Variants in LRRTM3 observed in about 807,000 individuals in gnomAD.
LRRTM3 encodes the protein leucine-rich repeat transmembrane neuronal protein 3.
A neutral mutation model predicts 44.7 loss-of-function variants in LRRTM3; 24 were observed. The ratio of observed to expected loss-of-function variants is 0.54; its 90% confidence interval spans 0.39 to 0.76. The LOEUF (loss-of-function observed/expected upper bound fraction) is 0.76. Among genes scored for constraint, LRRTM3 ranks in the 30% least tolerant of loss-of-function variants. The pLI is 0.00. For synonymous variants in LRRTM3, 277 were observed against 278.7 expected (o/e 0.99, Z 0.06); for missense variants, 587 against 702.2 (o/e 0.84, Z 1.85).
intron 2 of LRRTM3, among the ~76,000 whole-genome samples, chr10:67,008,743 G>T (rs1036205154): frequency 1.3e-5 from 2 of 152,104 alleles, no homozygotes; most frequent in Non-Finnish European, 2.9e-5. Context: ...GCTAGCTCAG[G>T]CATATTCACA....
chr10:67,005,772 G>A (rs1450962712), intron 2 of LRRTM3, among the ~76,000 whole-genome samples: 30 of 129,086 alleles, frequency 2.3e-4, no homozygotes, highest in Admixed American at 2.2e-3. Context: ...TGCAACCTCC[G>A]CCTCCCAGGT....
chr10:66,989,067 G>T (rs1474495118), intron 2 of LRRTM3, among the ~76,000 whole-genome samples: 1 of 151,842 alleles, frequency 6.6e-6, no homozygotes, highest in Non-Finnish European at 1.5e-5. Flanking sequence ...AAGAAAAAGT[G>T]TTTTTTTATT....
At chr10:66,974,323 T>A (rs1849900170) in intron 2 of LRRTM3, among the ~76,000 whole-genome samples, 1 of 152,208 alleles carries the variant, frequency 6.6e-6, no homozygotes, top group Non-Finnish European at 1.5e-5. Flanking sequence ...AAAGTGCTTC[T>A]TAGCAGTTCA....
rs1205642928 is a variant in LRRTM3 at position 67,098,629 on chromosome 10, T to C, written c.*833T>C. On this transcript the variant is annotated 3_prime_UTR_variant, in exon 3 of 3. Coordinates refer to ENST00000361320, the MANE Select transcript of LRRTM3 (RefSeq NM_178011.5). ...TCTTTTGAGTAACCATTGTTAAGGG[T>C]TGGGGGAAAGCATGGACAAAACATC... 2.0e-5 allele frequency: 3 copies of C among 152,172 alleles called. No homozygotes were observed. The highest frequency in any genetic ancestry group is 4.4e-5 in the Non-Finnish European group (3 of 67,860). 9.4% of individuals were successfully genotyped at this position (152,172 alleles called of 1,614,324 possible).
chr10:67,061,237 C>A (rs754920617), intron 2 of LRRTM3, among the ~76,000 whole-genome samples: 7 of 152,134 alleles, frequency 4.6e-5, no homozygotes, highest in Non-Finnish European at 7.3e-5. Context: ...TGAATGAAAG[C>A]ATTTTACCTT....
intron 2 of LRRTM3, among the ~76,000 whole-genome samples, chr10:67,043,396 A>G (rs1229777629): frequency 1.3e-5 from 2 of 152,152 alleles, no homozygotes; most frequent in African/African-American, 2.4e-5. Context: ...AAAACATGCT[A>G]CTGAAACCCT....
intron 2 of LRRTM3, among the ~76,000 whole-genome samples, chr10:66,982,370 C>A (rs1041347987): frequency 4.8e-4 from 73 of 152,264 alleles, no homozygotes; most frequent in African/African-American, 1.7e-3. Flanking sequence ...AGTGGGGTGA[C>A]TCAGGCAAGT....
chr10:67,038,488 G>T (rs1854202256), intron 2 of LRRTM3, among the ~76,000 whole-genome samples: 1 of 151,966 alleles, frequency 6.6e-6, no homozygotes. Flanking sequence ...CTCAGGAAAA[G>T]GACAACTCAT....
intron 2 of LRRTM3, among the ~76,000 whole-genome samples, chr10:66,978,539 A>ATAAAATAAAAATAAAAAAAAT (rs1850202876): frequency 9.5e-6 from 1 of 104,882 alleles, no homozygotes; most frequent in South Asian, 3.3e-4. Flanking sequence ...AAAAAAAAAA[A>ATAAAATAAAAATAAAAAAAAT]AAAAAAAAAA....
At chr10:66,973,361 T>C (rs188543817) in intron 2 of LRRTM3, among the ~76,000 whole-genome samples, 16 of 152,304 alleles carry the variant, frequency 1.1e-4, no homozygotes, top group Admixed American at 4.6e-4. Context: ...CTAACATCAA[T>C]ATTACAATGA....
intron 2 of LRRTM3, chr10:67,012,304 T>C (rs1025953123): frequency 1.3e-5 from 2 of 152,160 alleles, no homozygotes; most frequent in Non-Finnish European, 2.9e-5. Flanking sequence ...CCAGAGAAAA[T>C]AGAAATGCCA....
chr10:67,026,835 C>T (rs1292769913), intron 2 of LRRTM3, among the ~76,000 whole-genome samples: 1 of 152,114 alleles, frequency 6.6e-6, no homozygotes, highest in Non-Finnish European at 1.5e-5. Flanking sequence ...TAAAAGAGTT[C>T]AGAAACCTAA....
In LRRTM3 at chr10:66,928,086, G is replaced by A; in HGVS notation, c.1170G>A (p.Glu390=). The part of the protein sequence containing the change: ...FKPKLPRPKH[E]SKPPLPPTVG... ...CCAAGCTCCCCAGGCCGAAGCATGA[G>A]AGCAAACCCCCTTTGCCCCCGACGG... Residue 390 remains glutamate (E), a synonymous_variant, in exon 2 of 3, where the codon GAG becomes GAA. Coordinates refer to ENST00000361320, the MANE Select transcript of LRRTM3 (RefSeq NM_178011.5). 1 of 1,614,076 alleles carries A rather than the reference G, an allele frequency of 6.2e-7. No homozygotes were observed. The highest frequency in any genetic ancestry group is 8.5e-7 in the Non-Finnish European group (1 of 1,180,030).
intron 2 of LRRTM3, among the ~76,000 whole-genome samples, chr10:66,996,669 A>AAAAAAAAAAAAAAC (rs1851369814): frequency 6.6e-6 from 1 of 150,790 alleles, no homozygotes; most frequent in African/African-American, 2.4e-5. Context: ...AAAAAAAAAA[A>AAAAAAAAAAAAAAC]AAGCATGTTT....
At chr10:66,978,487 A>T (rs1283248993) in intron 2 of LRRTM3, among the ~76,000 whole-genome samples, 2 of 131,834 alleles carry the variant, frequency 1.5e-5, no homozygotes, top group African/African-American at 5.7e-5. Context: ...AGATCACACC[A>T]CTGCACTCCA....
At chr10:67,087,403 C>T (rs1857364509) in intron 2 of LRRTM3, among the ~76,000 whole-genome samples, 1 of 151,878 alleles carries the variant, frequency 6.6e-6, no homozygotes, top group Non-Finnish European at 1.5e-5. Flanking sequence ...GTACACATAA[C>T]ATTTTGCAAT....
intron 2 of LRRTM3, among the ~76,000 whole-genome samples, chr10:67,072,222 G>T (rs1479670121): frequency 1.6e-4 from 25 of 152,280 alleles, no homozygotes; most frequent in Admixed American, 1.4e-3. Flanking sequence ...CCAAAGTGCT[G>T]GGATTATAGG....
At chr10:67,078,723 A>G (rs1856872601) in intron 2 of LRRTM3, among the ~76,000 whole-genome samples, 1 of 152,004 alleles carries the variant, frequency 6.6e-6, no homozygotes, top group Admixed American at 6.6e-5. Flanking sequence ...TCACCATGTT[A>G]GCCAGGATGG....
chr10:67,089,623 GAA>G (rs953514953), intron 2 of LRRTM3, among the ~76,000 whole-genome samples: 1 of 151,288 alleles, frequency 6.6e-6, no homozygotes, highest in Non-Finnish European at 1.5e-5. Flanking sequence ...TATTTTCAAA[GAA>G]AAAAGATGGC....
Sources: allele counts gnomAD v4.1 joint callset (sites outside exome capture counted in the v4.1 genomes callset), GRCh38; gene constraint gnomAD v4.1.1; transcripts MANE v1.5; gene names NCBI Gene and HGNC (gene_info 2026-07-23, HGNC 2026-07-21).